Variants in ENTPD1 observed in about 807,000 individuals in gnomAD.
The protein encoded by ENTPD1 is ATP diphosphohydrolase.
In ENTPD1, 33 loss-of-function variants were observed where a neutral mutation model predicts 57.0. That is an observed-to-expected ratio of 0.58 (90% CI 0.44 to 0.77). The LOEUF (loss-of-function observed/expected upper bound fraction) is 0.77. Ranked by LOEUF, ENTPD1 falls within the 30% of genes least tolerant of loss-of-function variation. The pLI is 0.00. For synonymous variants in ENTPD1, 202 were observed against 218.8 expected (o/e 0.92, Z 0.68); for missense variants, 501 against 603.4 (o/e 0.83, Z 1.78).
chr10:95,745,885 A>G (rs1413332970), intron 1 of ENTPD1, among the ~76,000 whole-genome samples: 1 of 152,132 alleles, frequency 6.6e-6, no homozygotes, highest in Non-Finnish European at 1.5e-5. Context: ...TGCCACATTC[A>G]AGGGCTTCCC....
At chr10:95,720,881 T>C (rs775895918) in intron 1 of ENTPD1, among the ~76,000 whole-genome samples, 21 of 152,152 alleles carry the variant, frequency 1.4e-4, no homozygotes, top group Non-Finnish European at 2.5e-4. Context: ...GCCTCCAAAG[T>C]CCGCTTGCCT....
Position 95,871,750 on chromosome 10 carries a change from GCAC to G in ENTPD1, c.*5368_*5370del. The G allele has an allele frequency of 3.0e-6, 3 of 985,114 alleles. No homozygotes were observed. Among genetic ancestry groups the G allele is most frequent in the Non-Finnish European group, 3.6e-6 (3 of 829,628 alleles). 61.0% of individuals were successfully genotyped at this position (985,114 alleles called of 1,614,324 possible). On this transcript the variant is annotated 3_prime_UTR_variant, in exon 10 of 10. Transcript: ENST00000371205. ...TCAGTGATGATGATCACCCTCATCA[GCAC>G]TAGAGTTGACTTGTTTTTATAACCC...
chr10:95,868,553 C>T lies in ENTPD1; in HGVS notation c.*2170C>T. The T allele has an allele frequency of 1.0e-6, 1 of 985,416 alleles. No homozygotes were observed. Among genetic ancestry groups the T allele is most frequent in the African/African-American group, 1.7e-5 (1 of 57,342 alleles). 61.0% of individuals were successfully genotyped at this position (985,416 alleles called of 1,614,324 possible). ...AAATAAGTTGAGCCAATAACAGCCG[C>T]TTTTTTCCTTCTGTCTGCGTATACA... On this transcript the variant is annotated 3_prime_UTR_variant, in exon 10 of 10. Transcript: ENST00000371205.
At chr10:95,793,801 A>G (rs2098215577) in intron 1 of ENTPD1, among the ~76,000 whole-genome samples, 1 of 152,114 alleles carries the variant, frequency 6.6e-6, no homozygotes, top group Non-Finnish European at 1.5e-5. Flanking sequence ...GAAAGCAGCA[A>G]GCAGAAGAAA....
chr10:95,772,781 A>G (rs987456612), intron 1 of ENTPD1, among the ~76,000 whole-genome samples: 20 of 152,180 alleles, frequency 1.3e-4, no homozygotes, highest in Admixed American at 3.3e-4. Context: ...AAGGCTTTCA[A>G]TTTACTTTGC....
chr10:95,761,901 C>T (rs1189699719), intron 1 of ENTPD1, among the ~76,000 whole-genome samples: 2 of 152,132 alleles, frequency 1.3e-5, no homozygotes, highest in Non-Finnish European at 2.9e-5. Flanking sequence ...CAACAGTGTG[C>T]CTGAGGCATT....
chr10:95,866,109 T>C (rs928911405), intron 9 of ENTPD1, 68 bp from the exon 10 acceptor site: 1 of 1,548,426 alleles, frequency 6.5e-7, no homozygotes, highest in Admixed American at 1.9e-5. Context: ...GATCCAATAA[T>C]TCTAAGCCCT....
In ENTPD1 at chr10:95,876,621, G is replaced by C; in HGVS notation, c.*10238G>C. 1.6e-6 allele frequency: 2 copies of C among 1,229,616 alleles called. No individual in the cohort carries two copies. The highest frequency in any genetic ancestry group is 8.5e-5 in the South Asian group (2 of 23,638). The allele number at this position is 1,229,616 out of a possible 1,614,324, so 76.2% of individuals were successfully genotyped here. Reference sequence around the variant, plus strand: ...CACTCTGTCTCCTGCAGTGAAGTCTGTTTGAAGGATGTATTTGGCTGTCTT... The same window carrying C: ...CACTCTGTCTCCTGCAGTGAAGTCTCTTTGAAGGATGTATTTGGCTGTCTT... On this transcript the variant is annotated 3_prime_UTR_variant, in exon 10 of 10. Transcript: ENST00000371205.
chr10:95,865,827 G>T (rs1228027428), intron 9 of ENTPD1, among the ~76,000 whole-genome samples: 1 of 152,054 alleles, frequency 6.6e-6, no homozygotes, highest in Non-Finnish European at 1.5e-5. Context: ...GAGTGCAGTG[G>T]TATGATCACA....
At chr10:95,762,390 G>GTTTT (rs5787157) in intron 1 of ENTPD1, among the ~76,000 whole-genome samples, 1 of 134,652 alleles carries the variant, frequency 7.4e-6, no homozygotes, top group Non-Finnish European at 1.6e-5. Flanking sequence ...TTTCCTGGCA[G>GTTTT]TTTTTTTTTT....
chr10:95,871,116 G>T lies in ENTPD1; in HGVS notation c.*4733G>T. ...AGGCTATTGTAAGTCATATGAGCAA[G>T]CTCAATAAAATATAAACAAGTCAGA... On this transcript the variant is annotated 3_prime_UTR_variant, in exon 10 of 10. Transcript: ENST00000371205. The T allele has an allele frequency of 8.1e-6, 8 of 985,436 alleles. No homozygotes were observed. In the South Asian group the frequency reaches 3.8e-4, roughly 46 times the overall value. 61.0% of individuals were successfully genotyped at this position (985,436 alleles called of 1,614,324 possible).
At chr10:95,800,646 C>G (rs149716585) in intron 1 of ENTPD1, among the ~76,000 whole-genome samples, 1 of 152,104 alleles carries the variant, frequency 6.6e-6, no homozygotes, top group Non-Finnish European at 1.5e-5. Flanking sequence ...GCATTCCTTC[C>G]CCAGGGTTAC....
chr10:95,787,199 A>G (rs918977495), intron 1 of ENTPD1, among the ~76,000 whole-genome samples: 2 of 152,214 alleles, frequency 1.3e-5, no homozygotes, highest in Admixed American at 1.3e-4. Flanking sequence ...TGAGGGAGAA[A>G]AAAGGGGGAA....
Position 95,761,899 on chromosome 10 carries a change from T to C in ENTPD1, c.16+5644T>C, listed in dbSNP as rs529347902. Among the ~76,000 whole-genome samples, 3 of 152,320 alleles carry C rather than the reference T, an allele frequency of 2.0e-5. No homozygotes were observed. The East Asian group carries it at 5.8e-4, about 29-fold the overall frequency. On this transcript the variant is annotated intron_variant, in intron 1 of 9. Coordinates refer to ENST00000371205, the MANE Select transcript of ENTPD1 (RefSeq NM_001776.6). ...CAGGGCTCTGAGACTGGCAACAGTG[T>C]GCCTGAGGCATTGTCTACGCTCTGC...
chr10:95,763,998 A>T (rs1436654699), intron 1 of ENTPD1, among the ~76,000 whole-genome samples: 1 of 152,188 alleles, frequency 6.6e-6, no homozygotes, highest in Non-Finnish European at 1.5e-5. Flanking sequence ...TTATCTGGAG[A>T]CACAATTCAC....
chr10:95,806,824 C>T (rs1011208018), intron 1 of ENTPD1, among the ~76,000 whole-genome samples: 23 of 152,184 alleles, frequency 1.5e-4, no homozygotes, highest in African/African-American at 5.3e-4. Context: ...GCGGAGGCTG[C>T]AGAACAGCAA....
intron 1 of ENTPD1, among the ~76,000 whole-genome samples, chr10:95,739,140 GT>G (rs1218006530): frequency 6.6e-6 from 1 of 152,192 alleles, no homozygotes; most frequent in African/African-American, 2.4e-5. Flanking sequence ...CCTTCTGTGA[GT>G]TGTAATCTTT....
intron 2 of ENTPD1, among the ~76,000 whole-genome samples, chr10:95,835,499 C>G (rs1160640963): frequency 6.6e-6 from 1 of 152,114 alleles, no homozygotes; most frequent in Non-Finnish European, 1.5e-5. Flanking sequence ...ATTTTTAGTT[C>G]TTTGAGAAAT....
the ENTPD1 span, among the ~76,000 whole-genome samples, chr10:95,701,549 AAG>A: frequency 6.6e-6 from 1 of 152,284 alleles, no homozygotes; most frequent in East Asian, 1.9e-4. Context: ...AATAGAGAAA[AAG>A]ATTTAAATAA....
Sources: gnomAD v4.1 joint callset for allele counts (sites outside exome capture counted in the v4.1 genomes callset) on GRCh38, gnomAD v4.1.1 for gene constraint, MANE v1.5 for transcripts, NCBI Gene and HGNC (gene_info 2026-07-23, HGNC 2026-07-21) for gene names.